CELSR3: variants seen among roughly 807,000 people sequenced by gnomAD.
CELSR3 encodes cadherin EGF LAG seven-pass G-type receptor 3.
A neutral mutation model predicts 270.0 loss-of-function variants in CELSR3; 73 were observed. The ratio of observed to expected loss-of-function variants is 0.27; its 90% CI spans 0.22 to 0.33. The LOEUF is 0.33. Ranked by LOEUF, CELSR3 falls within the 10% of genes least tolerant of loss-of-function variation. The pLI, the probability that CELSR3 is intolerant of heterozygous loss-of-function variation, is 1.00. For synonymous variants in CELSR3, 1,780 were observed against 1,905.4 expected, an observed-to-expected ratio of 0.93 and a Z score of 1.71; for missense variants, 3,614 against 4,533.8, an observed-to-expected ratio of 0.80 and a Z score of 5.83.
chr3:48,647,720 G>A (rs1300569252), intron 20 of CELSR3, 121 bp downstream of exon 20: 1 of 924,666 alleles, frequency 1.1e-6, no homozygotes, highest in Admixed American at 2.0e-5. Flanking sequence ...GAGGGGAGAT[G>A]TGGGAGGGTC....
chr3:48,644,565 G>C lies in CELSR3; in HGVS notation c.8085+151C>G, dbSNP rs1300208773. ...CCCCATCTCCATGCCAGTTGAATGG[G>C]GGTGGCTACTGACCAGAGGACAGAA... is the stretch of plus-strand genomic sequence containing the variant. On this transcript the variant is annotated intron_variant, in intron 26 of 34. Coordinates refer to ENST00000164024, the MANE Select transcript of CELSR3 (RefSeq NM_001407.3). This position sits in a 1 kb window ranked among gnomAD's most constrained non-coding sequence, Gnocchi z 4.8. The C allele has an allele frequency of 4.5e-6, 3 of 671,670 alleles. No homozygotes were observed. Among genetic ancestry groups the C allele is most frequent in the Non-Finnish European group, 7.8e-6 (3 of 383,410 alleles). 41.6% of individuals were successfully genotyped at this position (671,670 alleles called of 1,614,324 possible).
chr3:48,638,280 G>A (rs775750228), intron 34 of CELSR3, 48 bp from the exon 35 acceptor site: 12 of 1,499,782 alleles, frequency 8.0e-6, no homozygotes, highest in South Asian at 7.9e-5. Flanking sequence ...AGGACTCCGA[G>A]TCAGGCGGCT....
At position 48,662,068 on chromosome 3, in the gene CELSR3, C is replaced by T; in HGVS notation, c.567G>A (p.Arg189=). 6.2e-7 allele frequency: 1 copy of T among 1,614,094 alleles called. No homozygotes were observed. Among genetic ancestry groups the T allele is most frequent in the Non-Finnish European group, 8.5e-7 (1 of 1,180,026 alleles). Residue 189 remains arginine, a synonymous_variant, in exon 1 of 35, where the codon CGG becomes CGA. Coordinates refer to ENST00000164024, the MANE Select transcript of CELSR3 (RefSeq NM_001407.3). The surrounding 1 kb of genome is among the most constrained non-coding windows in gnomAD (Gnocchi z 7.1). Reference sequence around the variant, plus strand: ...TTTTGCGGGAGCCTGTCCCAGCGTTCCGCTGGGAGGACACCGGCTTGGGAC... The same window carrying T: ...TTTTGCGGGAGCCTGTCCCAGCGTTTCGCTGGGAGGACACCGGCTTGGGAC... ...HHGPKPVSSQ[R]NAGTGSRKRV...
Position 48,640,122 on chromosome 3 carries a change from T to C in CELSR3, c.9463A>G (p.Thr3155Ala). The change falls in exon 34 of 35, where the codon ACG (threonine) becomes GCG (alanine). Residue 3155 changes from threonine (T) to alanine (A), a missense_variant. Coordinates refer to ENST00000164024, the MANE Select transcript of CELSR3 (RefSeq NM_001407.3). This position sits in a 1 kb window ranked among gnomAD's most constrained non-coding sequence, Gnocchi z 7.5. ...DLGAPREWLS[T>A]LPPPRRTRDL... The stretch of plus-strand genomic sequence containing the variant: ...CGGGTGCGGCGGGGCGGAGGCAGCG[T>C]GCTCAACCACTCTCGAGGTGCCCCT... 5.6e-6 allele frequency: 9 copies of C among 1,611,974 alleles called. No homozygotes were observed. The highest frequency in any genetic ancestry group is 5.1e-6 in the Non-Finnish European group (6 of 1,179,882).
chr3:48,650,432 C>T lies in CELSR3; in HGVS notation c.6472+48G>A. ...AGACATGGCTCTAGCAGTCAGAGTA[C>T]AGGCCCACCCCCACCCTCAGTGATG... On this transcript the variant is annotated intron_variant, in intron 16 of 34. Coordinates refer to ENST00000164024, the MANE Select transcript of CELSR3 (RefSeq NM_001407.3). This position sits in a 1 kb window ranked among gnomAD's most constrained non-coding sequence, Gnocchi z 5.1. The T allele has an allele frequency of 8.3e-7, 1 of 1,208,944 alleles. No homozygotes were observed. The highest frequency in any genetic ancestry group is 1.3e-5 in the South Asian group (1 of 78,728). 74.9% of individuals were successfully genotyped at this position (1,208,944 alleles called of 1,614,324 possible).
At position 48,651,328 on chromosome 3, in the gene CELSR3, G is replaced by C; in HGVS notation, c.6186+31C>G. The C allele has an allele frequency of 1.9e-6, 3 of 1,612,314 alleles. No individual in the cohort carries two copies. The highest frequency in any genetic ancestry group is 1.7e-4 in the Middle Eastern group (1 of 6,052). On this transcript the variant is annotated intron_variant, in intron 14 of 34. Coordinates refer to ENST00000164024, the MANE Select transcript of CELSR3 (RefSeq NM_001407.3). This position sits in a 1 kb window ranked among gnomAD's most constrained non-coding sequence, Gnocchi z 7.4. ...ACAGGAATTGCAGATTGCGTCCAAGGAAGGGTTAAAAGGTCAGGGGCCAGG... is the reference window on the plus strand; with the variant it reads ...ACAGGAATTGCAGATTGCGTCCAAGCAAGGGTTAAAAGGTCAGGGGCCAGG...
At chr3:48,648,238 GCCCC>G in intron 19 of CELSR3, 24 bp downstream of exon 19, 15 of 1,342,592 alleles carry the variant, frequency 1.1e-5, no homozygotes, top group East Asian at 6.9e-5. Context: ...CCCCTGCTGT[GCCCC>G]GCCCTACCCC....
Position 48,655,649 on chromosome 3 carries a change from T to C in CELSR3, c.4741+87A>G, listed in dbSNP as rs1474546930. ...GCATGGCGTGGAGTGTGTGCTCAGG[T>C]GCACAGTGAAGCAAACCTGAGGGGA... On this transcript the variant is annotated intron_variant, in intron 4 of 34. Coordinates refer to ENST00000164024, the MANE Select transcript of CELSR3 (RefSeq NM_001407.3). The surrounding 1 kb of genome is among the most constrained non-coding windows in gnomAD (Gnocchi z 5.8). The C allele has an allele frequency of 5.2e-6, 6 of 1,160,406 alleles. No homozygotes were observed. The highest frequency in any genetic ancestry group is 1.5e-5 in the African/African-American group (1 of 66,264). The allele number at this position is 1,160,406 out of a possible 1,614,324, so 71.9% of individuals were successfully genotyped here.
chr3:48,659,604 TA>T lies in CELSR3; in HGVS notation c.3030del (p.Phe1010LeufsTer13). The T allele has an allele frequency of 6.2e-7, 1 of 1,614,152 alleles. No homozygotes were observed. The highest frequency in any genetic ancestry group is 8.5e-7 in the Non-Finnish European group (1 of 1,180,026). ...FQNGEDGDGD[F>X]TIEPTSGIVR... ...ACAATTCCAGAGGTGGGCTCAATGGTAAAATCTCCATCCCCATCTTCACCAT... is the reference window on the plus strand; with the variant it reads ...ACAATTCCAGAGGTGGGCTCAATGGTAAATCTCCATCCCCATCTTCACCAT... On this transcript the variant is annotated frameshift_variant, in exon 1 of 35. Transcript: ENST00000164024. LOFTEE classifies it high-confidence loss of function. The surrounding 1 kb of genome is among the most constrained non-coding windows in gnomAD (Gnocchi z 8.1).
Position 48,639,328 on chromosome 3 carries a change from C to T in CELSR3, c.9911+346G>A, listed in dbSNP as rs1401653899. Among the ~76,000 whole-genome samples the T allele has an allele frequency of 3.9e-5, 6 of 152,224 alleles. No individual in the cohort carries two copies. The highest frequency in any genetic ancestry group is 1.4e-4 in the African/African-American group (6 of 41,448). ...CCAAGCAAGGCCTCCTGCTCTCCTC[C>T]CTGCCCCTTGCATATTCCAGGTCAT... On this transcript the variant is annotated intron_variant, in intron 34 of 34. Transcript: ENST00000164024. The surrounding 1 kb of genome is among the most constrained non-coding windows in gnomAD (Gnocchi z 4.1).
Position 48,648,448 on chromosome 3 carries a change from G to A in CELSR3, c.6791C>T (p.Ala2264Val). Residue 2264 changes from alanine to valine, a missense_variant, in exon 19 of 35, where the codon GCC becomes GTC. Around this residue, in one of 7 missense-constraint regions of CELSR3, gnomAD observed 1,331 missense variants for 1,933.7 expected, o/e 0.69. Coordinates refer to ENST00000164024, the MANE Select transcript of CELSR3 (RefSeq NM_001407.3). ...DAHFNENLLW[A>V]GSALLAPETG... is the part of the protein sequence containing the mutation. ...CTCTGGGGCAAGCAGTGCAGAGCCG[G>A]CCCACAGCAGATTCTGGGAAGACAG... The A allele has an allele frequency of 1.9e-6, 3 of 1,565,568 alleles. No individual in the cohort carries two copies. Among genetic ancestry groups the A allele is most frequent in the Non-Finnish European group, 1.7e-6 (2 of 1,158,804 alleles).
Position 48,639,558 on chromosome 3 carries a change from T to G in CELSR3, c.9911+116A>C, listed in dbSNP as rs893272579. On this transcript the variant is annotated intron_variant, in intron 34 of 34. Transcript: ENST00000164024. This position sits in a 1 kb window ranked among gnomAD's most constrained non-coding sequence, Gnocchi z 4.1. ...CCCTCTGGCTGTGCTGAGCCTGGGG[T>G]AGCCCACACCTGTCTGCCAGCCCTC... The G allele has an allele frequency of 7.2e-7, 1 of 1,389,114 alleles. No individual in the cohort carries two copies. Among genetic ancestry groups the G allele is most frequent in the African/African-American group, 1.4e-5 (1 of 69,804 alleles). 86.0% of individuals were successfully genotyped at this position (1,389,114 alleles called of 1,614,324 possible).
In CELSR3 at chr3:48,645,610, G is replaced by A. The variant is rs749944897; in HGVS notation, c.7630C>T (p.His2544Tyr). 3.7e-6 allele frequency: 6 copies of A among 1,611,382 alleles called. No individual in the cohort carries two copies. The East Asian group carries it at 8.9e-5, about 24-fold the overall frequency. Residue 2544 changes from histidine (H) to tyrosine (Y), a missense_variant, in exon 24 of 35, where the codon CAC becomes TAC. His to Tyr is a moderately conservative substitution (Grantham distance 83). This residue lies in a region of CELSR3 where 1,240 missense variants were observed against 1,351.7 expected (regional missense o/e 0.92). Coordinates refer to ENST00000164024, the MANE Select transcript of CELSR3 (RefSeq NM_001407.3). This position sits in a 1 kb window ranked among gnomAD's most constrained non-coding sequence, Gnocchi z 5.4. ...GCCACAGACACAGCCACGACCACGT[G>A]GGTGAACACAGCCAGCAGCTCCAGG... ...GDLELLAVFT[H>Y]VVVAVSVAAL... is the part of the protein sequence containing the mutation.
chr3:48,650,681 G>T lies in CELSR3; in HGVS notation c.6371-100C>A, dbSNP rs73078349. 2 of 1,081,690 alleles carry T rather than the reference G, an allele frequency of 1.8e-6. No homozygotes were observed. The highest frequency in any genetic ancestry group is 2.7e-6 in the Non-Finnish European group (2 of 751,432). 67.0% of individuals were successfully genotyped at this position (1,081,690 alleles called of 1,614,324 possible). On this transcript the variant is annotated intron_variant, in intron 15 of 34. Coordinates refer to ENST00000164024, the MANE Select transcript of CELSR3 (RefSeq NM_001407.3). The surrounding 1 kb of genome is among the most constrained non-coding windows in gnomAD (Gnocchi z 5.1). ...CCACCCCCCACAAGGCCCACTGCCC[G>T]CCACTCCTGCTGGCTTCTCAGGAGC...
In CELSR3 at chr3:48,642,087, G is replaced by C; in HGVS notation, c.8666-78C>G. ...GGGAATTTGGAGTTGAGGGTCTAGA[G>C]GTGGGTACGGCAAGGGGGTTAGGGT... On this transcript the variant is annotated intron_variant, in intron 31 of 34. Transcript: ENST00000164024. The surrounding 1 kb of genome is among the most constrained non-coding windows in gnomAD (Gnocchi z 6.1). The C allele has an allele frequency of 7.2e-7, 1 of 1,385,898 alleles. No homozygotes were observed. The highest frequency in any genetic ancestry group is 2.6e-5 in the Admixed American group (1 of 38,610). The allele number at this position is 1,385,898 out of a possible 1,614,324, so 85.9% of individuals were successfully genotyped here.
At position 48,645,943 on chromosome 3, in the gene CELSR3, C is replaced by A; in HGVS notation, c.7464-75G>T. ...GGTTTGTGAGAGATCATGGGAAGGG[C>A]TGAGGGTGCCTGGAGTTGGGGTACA... On this transcript the variant is annotated intron_variant, in intron 22 of 34. Transcript: ENST00000164024. The surrounding 1 kb of genome is among the most constrained non-coding windows in gnomAD (Gnocchi z 5.4). 2 of 1,570,526 alleles carry A rather than the reference C, an allele frequency of 1.3e-6. No individual in the cohort carries two copies. The highest frequency in any genetic ancestry group is 1.1e-5 in the South Asian group (1 of 87,548).
At position 48,654,515 on chromosome 3, in the gene CELSR3, G is replaced by C; in HGVS notation, c.4989-63C>G. 1.4e-6 allele frequency: 2 copies of C among 1,412,204 alleles called. No individual in the cohort carries two copies. The highest frequency in any genetic ancestry group is 1.9e-6 in the Non-Finnish European group (2 of 1,042,438). The allele number at this position is 1,412,204 out of a possible 1,614,324, so 87.5% of individuals were successfully genotyped here. A position where few individuals can be genotyped will look rare whatever the true frequency, so the allele number is the denominator to read the frequency against. The stretch of plus-strand genomic sequence containing the variant: ...GCCAGAGTAGAGTTGCTCCTGGGGG[G>C]CCACAGGAAGCAGGGGGGTAGGACC... On this transcript the variant is annotated intron_variant, in intron 6 of 34. Coordinates refer to ENST00000164024, the MANE Select transcript of CELSR3 (RefSeq NM_001407.3). This position sits in a 1 kb window ranked among gnomAD's most constrained non-coding sequence, Gnocchi z 5.4.
At position 48,646,999 on chromosome 3, in the gene CELSR3, C is replaced by T; in HGVS notation, c.7130-71G>A. On this transcript the variant is annotated intron_variant, in intron 20 of 34. Transcript: ENST00000164024. This position sits in a 1 kb window ranked among gnomAD's most constrained non-coding sequence, Gnocchi z 4.8. ...AAGCACCCACCAACCCAGCTCTGAA[C>T]CCGATCAAGCATGGGGGTCTCTTCC... 7.2e-7 allele frequency: 1 copy of T among 1,391,430 alleles called. No individual in the cohort carries two copies. The highest frequency in any genetic ancestry group is 9.5e-7 in the Non-Finnish European group (1 of 1,052,144). 86.2% of individuals were successfully genotyped at this position (1,391,430 alleles called of 1,614,324 possible). A position where few individuals can be genotyped will look rare whatever the true frequency, so the allele number is the denominator to read the frequency against.
In CELSR3 at chr3:48,657,115, CAT is replaced by C; in HGVS notation, c.3980_3981del (p.Asn1327SerfsTer58). ...CGTGGAGCTAGCGCCGAGAAACTCA[CAT>C]TGAGCACGGTGCCCCCTACGTCTGT... ...NDTDVGGTVL[N>X]VSFSALAPRG... On this transcript the variant is annotated frameshift_variant, in exon 2 of 35. Coordinates refer to ENST00000164024, the MANE Select transcript of CELSR3 (RefSeq NM_001407.3). LOFTEE classifies it high-confidence loss of function. The surrounding 1 kb of genome is among the most constrained non-coding windows in gnomAD (Gnocchi z 5.4). 1 of 1,613,984 alleles carries C rather than the reference CAT, an allele frequency of 6.2e-7. No individual in the cohort carries two copies. Among genetic ancestry groups the C allele is most frequent in the Non-Finnish European group, 8.5e-7 (1 of 1,179,960 alleles).
Sources: gnomAD v4.1 joint callset for allele counts (sites outside exome capture counted in the v4.1 genomes callset) on GRCh38, gnomAD v4.1.1 for gene constraint, gnomAD v4.1.1 regional missense constraint, Gnocchi (gnomAD v3.1) non-coding constraint, MANE v1.5 for transcripts, NCBI Gene and HGNC (gene_info 2026-07-23, HGNC 2026-07-21) for gene names.